The following ANXA8L1 variants were observed in gnomAD, a reference collection of about 807,000 sequenced individuals.
ANXA8L1 encodes the protein annexin A8 like 1.
Under a neutral mutation model 22.5 loss-of-function variants are expected in ANXA8L1, and 10 were observed. The observed-to-expected ratio is 0.44, with a 90% CI of 0.27 to 0.75. The LOEUF is 0.75. Ranked by LOEUF, ANXA8L1 falls within the 30% of genes least tolerant of loss-of-function variation. The probability of loss-of-function intolerance (pLI) is 0.15; values close to 1 mark genes in which losing one functional copy is unlikely to be tolerated. For missense variants in ANXA8L1, 88 were observed against 219.6 expected (o/e 0.40, Z 3.79); for synonymous variants, 36 against 86.0 (o/e 0.42, Z 3.22).
intron 6 of ANXA8L1, among the ~76,000 whole-genome samples, 166 bp from the exon 7 acceptor site, chr10:46,384,607 TG>T (rs1840012295): frequency 7.8e-6 from 1 of 128,682 alleles, no homozygotes; most frequent in Admixed American, 8.0e-5. Flanking sequence ...CCACCCCCGT[TG>T]TACAAATGAG....
chr10:46,378,144 G>A (rs1463754265), intron 1 of ANXA8L1, among the ~76,000 whole-genome samples: 1 of 99,516 alleles, frequency 1.0e-5, no homozygotes, highest in Non-Finnish European at 2.1e-5. Flanking sequence ...GAGACCTACC[G>A]CACCCCTGCG....
intron 11 of ANXA8L1, among the ~76,000 whole-genome samples, chr10:46,390,222 C>T (rs1372503865): frequency 2.0e-5 from 3 of 150,778 alleles, no homozygotes; most frequent in African/African-American, 7.4e-5. Context: ...CCTCAGTCAT[C>T]GGACCACAAG....
chr10:46,384,411 G>A, intron 6 of ANXA8L1, 126 bp downstream of exon 6: 2 of 392,952 alleles, frequency 5.1e-6, no homozygotes, highest in East Asian at 7.9e-5. Context: ...AGCAGCCAGG[G>A]CTCATTGGGT....
chr10:46,382,530 G>T, intron 3 of ANXA8L1, 49 bp from the exon 4 acceptor site: 1 of 1,076,210 alleles, frequency 9.3e-7, no homozygotes, highest in East Asian at 2.3e-5. Flanking sequence ...CCTGCACTCA[G>T]GTGGGCCTGG....
rs1840030170 is a variant in ANXA8L1, at chr10:46,385,855, G to A, written c.742+48G>A. The A allele has an allele frequency of 2.9e-4, 71 of 242,570 alleles. 12 individuals carry two copies. The highest frequency in any genetic ancestry group is 1.9e-3 in the South Asian group (70 of 37,640). The allele number at this position is 242,570 out of a possible 1,614,324, so 15.0% of individuals were successfully genotyped here. A position where few individuals can be genotyped will look rare whatever the true frequency, so the allele number is the denominator to read the frequency against. ...TTTTCAGGCCACAGGGCTCACCGTGGGGCAGCACCAAAGAACAAAGGGCCT... is the reference window on the plus strand; with the variant it reads ...TTTTCAGGCCACAGGGCTCACCGTGAGGCAGCACCAAAGAACAAAGGGCCT... On this transcript the variant is annotated intron_variant, in intron 9 of 11. Transcript: ENST00000619162.
intron 7 of ANXA8L1, 69 bp downstream of exon 7, chr10:46,384,902 G>A (rs1303958625): frequency 8.5e-5 from 136 of 1,606,508 alleles, no homozygotes; most frequent in Admixed American, 2.4e-4. Flanking sequence ...CTCTGCCCAC[G>A]GGGGCTTTCT....
At chr10:46,378,839 T>G (rs200587419) in intron 1 of ANXA8L1, among the ~76,000 whole-genome samples, 65,528 of 126,066 alleles carry the variant, frequency 0.52, 15,452 homozygotes, top group Admixed American at 0.59. Flanking sequence ...TACCATCCAT[T>G]GGAATCTCTG....
At chr10:46,389,744 T>G (rs767032128) in intron 11 of ANXA8L1, among the ~76,000 whole-genome samples, 1 of 151,440 alleles carries the variant, frequency 6.6e-6, no homozygotes, top group African/African-American at 2.4e-5. Flanking sequence ...TCACCAGGCG[T>G]AGTGGCCCAC....
intron 1 of ANXA8L1, among the ~76,000 whole-genome samples, chr10:46,378,938 G>GTGGA (rs1423963662): frequency 0.34 from 44,736 of 132,408 alleles, 6,566 homozygotes; most frequent in Admixed American, 0.42. Context: ...GGATGGGTGG[G>GTGGA]TGGATGGATG....
rs1839921628 is a variant in ANXA8L1 at position 46,375,874 on chromosome 10, T to G, written c.21+2T>G. 6.6e-7 allele frequency: 1 copy of G among 1,522,142 alleles called. No homozygotes were observed. Among genetic ancestry groups the G allele is most frequent in the African/African-American group, 1.5e-5 (1 of 66,754 alleles). 94.3% of individuals were successfully genotyped at this position (1,522,142 alleles called of 1,614,324 possible). On this transcript the variant is annotated splice_donor_variant, in intron 1 of 11. Coordinates refer to ENST00000619162, the MANE Select transcript of ANXA8L1 (RefSeq NM_001098845.3). LOFTEE classifies it high-confidence loss of function. ...GAGATGGCCTGGTGGAAAGCCTGGG[T>G]AAGTGGGAGCTGGCAGGAGATTTGC...
Position 46,381,329 on chromosome 10 carries a change from C to T in ANXA8L1, c.207+89C>T, listed in dbSNP as rs1839981069. ...GGCAGCTCCATTCTGGACGACTTTC[C>T]CCTAGAGCCAGCCCACTGGTAGCAT... On this transcript the variant is annotated intron_variant, in intron 3 of 11. Transcript: ENST00000619162. The T allele has an allele frequency of 2.8e-5, 24 of 858,046 alleles. 1 individual carries two copies. The East Asian group carries it at 5.8e-4, about 21-fold the overall frequency. 53.2% of individuals were successfully genotyped at this position (858,046 alleles called of 1,614,324 possible).
In ANXA8L1 at chr10:46,390,847, C is replaced by T. The variant is rs376546667; in HGVS notation, c.925-24C>T. The T allele has an allele frequency of 8.7e-4, 973 of 1,114,026 alleles. 208 individuals carry two copies. The African/African-American group carries it at 0.014, about 17-fold the overall frequency. The allele number at this position is 1,114,026 out of a possible 1,614,324, so 69.0% of individuals were successfully genotyped here. A position where few individuals can be genotyped will look rare whatever the true frequency, so the allele number is the denominator to read the frequency against. On this transcript the variant is annotated intron_variant, in intron 11 of 11. Transcript: ENST00000619162. ...CCAGGCACAAACAAACCCCTTCTCACGCTTATGCGCCTCCTACCCACAGGA... is the reference window on the plus strand; with the variant it reads ...CCAGGCACAAACAAACCCCTTCTCATGCTTATGCGCCTCCTACCCACAGGA...
chr10:46,382,639 CT>C lies in ANXA8L1; in HGVS notation c.270del (p.Met91CysfsTer16). On this transcript the variant is annotated frameshift_variant, in exon 4 of 12. Coordinates refer to ENST00000619162, the MANE Select transcript of ANXA8L1 (RefSeq NM_001098845.3). LOFTEE classifies it high-confidence loss of function. ...SGKFERLIVA[L>X]MYPPYRYEAK... Reference sequence around the variant, plus strand: ...CAAGTTTGAGAGGCTCATTGTGGCCCTTATGTATCCGCCATACAGATACGAA... The same window carrying C: ...CAAGTTTGAGAGGCTCATTGTGGCCCTATGTATCCGCCATACAGATACGAA... 3 of 1,292,008 alleles carry C rather than the reference CT, an allele frequency of 2.3e-6. 1 individual carries two copies. The highest frequency in any genetic ancestry group is 3.2e-6 in the Non-Finnish European group (3 of 949,820). The allele number at this position is 1,292,008 out of a possible 1,614,324, so 80.0% of individuals were successfully genotyped here.
intron 8 of ANXA8L1, 94 bp downstream of exon 8, chr10:46,385,567 G>A: frequency 7.5e-6 from 4 of 535,476 alleles, no homozygotes; most frequent in South Asian, 2.0e-5. Context: ...TCTAGAGTTA[G>A]GGAGAGAGCC....
At chr10:46,376,222 G>A (rs1265786111) in intron 1 of ANXA8L1, among the ~76,000 whole-genome samples, 7 of 135,082 alleles carry the variant, frequency 5.2e-5, no homozygotes, top group African/African-American at 1.7e-4. Flanking sequence ...AATGTGTATG[G>A]GGTGCACACA....
intron 11 of ANXA8L1, among the ~76,000 whole-genome samples, chr10:46,389,780 G>A: frequency 6.6e-6 from 1 of 151,650 alleles, no homozygotes; most frequent in Non-Finnish European, 1.5e-5. Context: ...GCTTTGGGAG[G>A]CCAACGCAGG....
chr10:46,385,864 C>T (rs1840030207), intron 9 of ANXA8L1, 57 bp downstream of exon 9: 6 of 230,524 alleles, frequency 2.6e-5, no homozygotes, highest in East Asian at 2.4e-4. Flanking sequence ...GGGGCAGCAC[C>T]AAAGAACAAA....
chr10:46,378,924 AGATG>A (rs1221122463), intron 1 of ANXA8L1, among the ~76,000 whole-genome samples: 3 of 134,042 alleles, frequency 2.2e-5, no homozygotes, highest in African/African-American at 9.0e-5. Context: ...GCGGGTGCAT[AGATG>A]GATGGGTGGG....
Position 46,381,183 on chromosome 10 carries a change from G to C in ANXA8L1, c.150G>C (p.Lys50Asn). The change falls in exon 3 of 12, where the codon AAG (lysine) becomes AAC (asparagine). Residue 50 changes from lysine to asparagine, a missense_variant. By Grantham distance (94) the Lys-to-Asn change is moderately conservative (BLOSUM62 0). Coordinates refer to ENST00000619162, the MANE Select transcript of ANXA8L1 (RefSeq NM_001098845.3). ...AGGCTATCATCGATGTGCTCACCAA[G>C]AGAAGCAACACGCAGCGGCAGCAGA... Reference protein sequence around the residue: ...NEQAIIDVLTKRSNTQRQQIA... With the variant: ...NEQAIIDVLTNRSNTQRQQIA... 1.4e-6 allele frequency: 1 copy of C among 725,548 alleles called. No homozygotes were observed. Among genetic ancestry groups the C allele is most frequent in the Non-Finnish European group, 2.0e-6 (1 of 502,550 alleles). The allele number at this position is 725,548 out of a possible 1,614,324, so 44.9% of individuals were successfully genotyped here.
Sources: gnomAD v4.1 joint callset for allele counts (sites outside exome capture counted in the v4.1 genomes callset) on GRCh38, gnomAD v4.1.1 for gene constraint, MANE v1.5 for transcripts, NCBI Gene and HGNC (gene_info 2026-07-23, HGNC 2026-07-21) for gene names.